The following FAM186A variants were observed in gnomAD, a reference collection of about 807,000 sequenced individuals.
The protein encoded by FAM186A is family with sequence similarity 186 member A.
In FAM186A, 163 loss-of-function variants were observed where a neutral mutation model predicts 216.8. The observed-to-expected ratio is 0.75, with a 90% CI of 0.66 to 0.86. FAM186A has a LOEUF of 0.86. Ranked by LOEUF, FAM186A falls within the 40% of genes least tolerant of loss-of-function variation. The pLI, the probability that FAM186A is intolerant of heterozygous loss-of-function variation, is 0.00. For missense variants in FAM186A, 2,184 were observed against 2,746.2 expected (o/e 0.80, Z 4.58); for synonymous variants, 805 against 1,025.3 (o/e 0.79, Z 4.10).
intron 2 of FAM186A, among the ~76,000 whole-genome samples, chr12:50,362,743 C>CAAAAAA (rs10654604): frequency 1.2e-5 from 1 of 85,900 alleles, no homozygotes; most frequent in Non-Finnish European, 2.2e-5. Flanking sequence ...GAACCTGTCT[C>CAAAAAA]AAAAAAAAAA....
chr12:50,381,494 A>G (rs1434064803), intron 1 of FAM186A, among the ~76,000 whole-genome samples: 1 of 152,170 alleles, frequency 6.6e-6, no homozygotes, highest in African/African-American at 2.4e-5. Context: ...CAGTGGGCCA[A>G]GGTTGCACCA....
intron 1 of FAM186A, among the ~76,000 whole-genome samples, chr12:50,381,883 C>A (rs1943256445): frequency 6.6e-6 from 1 of 151,726 alleles, no homozygotes; most frequent in Non-Finnish European, 1.5e-5. Context: ...TCACCTGAGC[C>A]CAGGAAGTTG....
chr12:50,330,880 C>T, intron 6 of FAM186A, 122 bp from the exon 7 acceptor site: 1 of 777,018 alleles, frequency 1.3e-6, no homozygotes, highest in Non-Finnish European at 1.9e-6. Context: ...CTTGCACTGA[C>T]CAGCATTAGC....
At position 50,330,675 on chromosome 12, in the gene FAM186A, T is replaced by G; in HGVS notation, c.6932A>C (p.His2311Pro). The G allele has an allele frequency of 6.5e-7, 1 of 1,550,244 alleles. No homozygotes were observed. Reference protein sequence around the residue: ...SYPIAEKTSMHSLWAQLGGYP... With the variant: ...SYPIAEKTSMPSLWAQLGGYP... ...CCCACCCAGCTGGGCCCAGAGTGAA[T>G]GCATAGATGTCTTCTCTGCTATTGG... The change falls in exon 7 of 8, where the codon CAT becomes CCT. Residue 2311 changes from histidine (H) to proline (P), a missense_variant. Physicochemically the swap from His to Pro is moderately conservative, Grantham distance 77. This residue lies in a region of FAM186A where 721 missense variants were observed against 816.4 expected (regional missense o/e 0.88). Transcript: ENST00000327337.
chr12:50,393,364 C>G (rs796343200), intron 1 of FAM186A, among the ~76,000 whole-genome samples: 2 of 151,996 alleles, frequency 1.3e-5, no homozygotes, highest in African/African-American at 4.8e-5. Context: ...ATGGTGAAAC[C>G]CTGTCTCTAC....
chr12:50,358,653 A>C (rs1002273445), intron 3 of FAM186A, among the ~76,000 whole-genome samples: 1 of 151,516 alleles, frequency 6.6e-6, no homozygotes. Context: ...GGCCAGGCGC[A>C]GTGGCTCATG....
In FAM186A at chr12:50,350,471, G is replaced by A; in HGVS notation, c.6361C>T (p.Gln2121Ter). The change falls in exon 4 of 8, where the codon CAG (glutamine) becomes TAG (stop). Residue 2121 changes from glutamine to a stop codon, truncating the protein, a stop_gained. Transcript: ENST00000327337. LOFTEE classifies it high-confidence loss of function. The stretch of plus-strand genomic sequence containing the variant: ...GGGAGTCCACAAGTTTTTATAGCCT[G>A]ATTTAATAGTATCAGGTTCTTCTTC... The part of the protein sequence containing the change: ...AQKKNLILLN[Q>*]AIKTCGLPSQ... 1 of 1,551,634 alleles carries A rather than the reference G, an allele frequency of 6.4e-7. No homozygotes were observed. The highest frequency in any genetic ancestry group is 1.2e-5 in the South Asian group (1 of 84,058).
intron 1 of FAM186A, among the ~76,000 whole-genome samples, chr12:50,375,728 G>A (rs11169401): frequency 0.16 from 21,643 of 135,622 alleles, 3,739 homozygotes; most frequent in African/African-American, 0.39. Context: ...AAAAAAAAAA[G>A]AAAAAGAAAA....
In FAM186A at chr12:50,394,732, CTTTTTTTTTT is replaced by C. The variant is rs71083561; in HGVS notation, c.192+1551_192+1560del. Among the ~76,000 whole-genome samples the C allele has an allele frequency of 1.1e-3, 32 of 29,408 alleles. 1 individual carries two copies. Among genetic ancestry groups the C allele is most frequent in the African/African-American group, 3.3e-3 (21 of 6,444 alleles). The allele number at this position is 29,408 out of a possible 152,430, so 19.3% of individuals were successfully genotyped here. ...TGAGCCACTGTGCCTGGCTAACACT[CTTTTTTTTTT>C]TTTTTTTTTTTTTTTTTTAGAGATA... On this transcript the variant is annotated intron_variant, in intron 1 of 7. Transcript: ENST00000327337.
intron 5 of FAM186A, 42 bp from the exon 6 acceptor site, chr12:50,331,863 A>G: frequency 6.8e-7 from 1 of 1,477,798 alleles, no homozygotes; most frequent in Non-Finnish European, 9.0e-7. Flanking sequence ...CCATGAAAAG[A>G]GACAGAATCT....
chr12:50,346,245 G>GAAAGAAAGAAAGAAAGAAAGAA (rs1565881697), intron 4 of FAM186A, among the ~76,000 whole-genome samples: 3 of 149,162 alleles, frequency 2.0e-5, no homozygotes, highest in East Asian at 4.0e-4. Flanking sequence ...AAAAAAGAAA[G>GAAAGAAAGAAAGAAAGAAAGAA]AAAGAAAGAA....
intron 1 of FAM186A, among the ~76,000 whole-genome samples, chr12:50,387,501 G>A (rs1265650004): frequency 2.0e-5 from 3 of 152,176 alleles, no homozygotes; most frequent in Non-Finnish European, 4.4e-5. Context: ...AATAAAGAGA[G>A]GGAGATCTTC....
intron 5 of FAM186A, among the ~76,000 whole-genome samples, chr12:50,332,505 T>G (rs1208471182): frequency 6.6e-6 from 1 of 152,188 alleles, no homozygotes; most frequent in Non-Finnish European, 1.5e-5. Context: ...TTGCTTTTTT[T>G]GTCTCCTTTC....
rs968795151 is a variant in FAM186A, at chr12:50,355,002, G to T, written c.1830C>A (p.His610Gln). 17 of 1,551,284 alleles carry T rather than the reference G, an allele frequency of 1.1e-5. No homozygotes were observed. In the African/African-American group the frequency reaches 2.2e-4, roughly 20 times the overall value. ...TTGTGATAGTTCCTGAAGAGATATG[G>T]TGTTTCTTTCCTTTTATTTTTCCTT... is the stretch of plus-strand genomic sequence containing the variant. ...PQKGKIKGKK[H>Q]HISSGTITSK... is the part of the protein sequence containing the mutation. The change falls in exon 4 of 8, where the codon CAC (histidine) becomes CAA (glutamine). Residue 610 changes from histidine to glutamine, a missense_variant. By Grantham distance (24) the His-to-Gln change is conservative. This residue lies in a region of FAM186A where 1,132 missense variants were observed against 1,263.4 expected (regional missense o/e 0.90). Transcript: ENST00000327337.
Position 50,355,542 on chromosome 12 carries a change from A to G in FAM186A, c.1290T>C (p.Ile430=). ...CGTTATCTTTAGTGCTGTCTTCGGA[A>G]ATATCTTCAGAAGCAACAGGTTGCT... is the stretch of plus-strand genomic sequence containing the variant. ...LRQQPVASED[I]SEDSTKDNVS... is the part of the protein sequence containing the mutation. Residue 430 remains isoleucine, a synonymous_variant, in exon 4 of 8, where the codon ATT becomes ATC. Coordinates refer to ENST00000327337, the MANE Select transcript of FAM186A (RefSeq NM_001145475.3). 1 of 1,551,566 alleles carries G rather than the reference A, an allele frequency of 6.4e-7. No homozygotes were observed. Among genetic ancestry groups the G allele is most frequent in the Non-Finnish European group, 8.7e-7 (1 of 1,146,976 alleles).
chr12:50,353,846 T>A lies in FAM186A; in HGVS notation c.2986A>T (p.Lys996Ter). ...TGGATGACCATTTTTTCTAGCTCTT[T>A]AGGTTGTGTTTCCTTCATCTGCATC... ...DQMQMKETQP[K>*]ELEKMVIQTP... Residue 996 changes from lysine (K) to a stop codon, truncating the protein, a stop_gained, in exon 4 of 8, where the codon AAA becomes TAA. Coordinates refer to ENST00000327337, the MANE Select transcript of FAM186A (RefSeq NM_001145475.3). LOFTEE classifies it high-confidence loss of function. 6.4e-7 allele frequency: 1 copy of A among 1,551,748 alleles called. No individual in the cohort carries two copies. Among genetic ancestry groups the A allele is most frequent in the East Asian group, 2.4e-5 (1 of 40,926 alleles).
chr12:50,369,442 GAT>G (rs1176042075), intron 1 of FAM186A, among the ~76,000 whole-genome samples: 1 of 139,702 alleles, frequency 7.2e-6, no homozygotes, highest in East Asian at 2.1e-4. Flanking sequence ...AGTGAGCTGA[GAT>G]CGAGCCACTG....
intron 1 of FAM186A, among the ~76,000 whole-genome samples, chr12:50,369,924 A>G (rs1172166680): frequency 6.6e-6 from 1 of 151,816 alleles, no homozygotes; most frequent in Non-Finnish European, 1.5e-5. Flanking sequence ...GGAGATCGAG[A>G]CCATCCTGAC....
intron 1 of FAM186A, among the ~76,000 whole-genome samples, chr12:50,378,990 A>G (rs1692681819): frequency 6.6e-6 from 1 of 152,208 alleles, no homozygotes; most frequent in South Asian, 2.1e-4. Flanking sequence ...CTATGGTATA[A>G]CTGCACAATG....
Sources: gnomAD v4.1 joint callset for allele counts (sites outside exome capture counted in the v4.1 genomes callset) on GRCh38, gnomAD v4.1.1 for gene constraint, gnomAD v4.1.1 regional missense constraint, MANE v1.5 for transcripts, NCBI Gene and HGNC (gene_info 2026-07-23, HGNC 2026-07-21) for gene names.